The following GNAQ variants were observed in gnomAD, a reference collection of about 807,000 sequenced individuals.
The protein encoded by GNAQ is G protein subunit alpha q.
Under a neutral mutation model 43.9 loss-of-function variants are expected in GNAQ, and 8 were observed. The observed-to-expected ratio is 0.18, with a 90% confidence interval of 0.11 to 0.33. GNAQ has a LOEUF of 0.33. GNAQ is among the 10% of genes least tolerant of loss of function. The pLI is 1.00. For missense variants in GNAQ, 158 were observed against 450.8 expected, an observed-to-expected ratio of 0.35 and a Z score of 5.88; for synonymous variants, 155 against 170.7, an observed-to-expected ratio of 0.91 and a Z score of 0.71.
intron 1 of GNAQ, among the ~76,000 whole-genome samples, chr9:77,939,695 C>T (rs1829287305): frequency 6.6e-6 from 1 of 152,160 alleles, no homozygotes; most frequent in South Asian, 2.1e-4. Context: ...ATTTTGATTT[C>T]AACCTAATTT....
At chr9:77,980,822 A>C (rs561894168) in intron 1 of GNAQ, among the ~76,000 whole-genome samples, 1 of 152,380 alleles carries the variant, frequency 6.6e-6, no homozygotes, top group South Asian at 2.1e-4. Flanking sequence ...TGTAAGAATC[A>C]TGCATAGAAA....
chr9:77,782,459 C>T (rs1186270036), intron 5 of GNAQ, among the ~76,000 whole-genome samples: 1 of 152,112 alleles, frequency 6.6e-6, no homozygotes, highest in African/African-American at 2.4e-5. Context: ...TACTACACAC[C>T]TATTAGAATG....
chr9:77,830,702 G>A (rs1366232030), intron 2 of GNAQ, among the ~76,000 whole-genome samples: 2 of 152,196 alleles, frequency 1.3e-5, no homozygotes, highest in Non-Finnish European at 2.9e-5. Context: ...CAAGGCCAAA[G>A]AGCATTTCAA....
At chr9:77,849,225 G>A (rs1328412111) in intron 2 of GNAQ, among the ~76,000 whole-genome samples, 1 of 152,156 alleles carries the variant, frequency 6.6e-6, no homozygotes, top group Non-Finnish European at 1.5e-5. Context: ...AGGTTTTCCA[G>A]AAAGCAACAT....
chr9:77,868,704 AG>A (rs1324034049), intron 2 of GNAQ, among the ~76,000 whole-genome samples: 5 of 152,238 alleles, frequency 3.3e-5, no homozygotes, highest in Non-Finnish European at 7.3e-5. Flanking sequence ...CTGAGGCAGG[AG>A]GATCACTTGA....
In GNAQ at chr9:77,922,329, G is replaced by A; in HGVS notation, c.153C>T (p.Gly51=). 3.7e-6 allele frequency: 6 copies of A among 1,612,102 alleles called. No individual in the cohort carries two copies. In the South Asian group the frequency reaches 6.6e-5, roughly 18 times the overall value. ...TCATCTGCTTGATAAACGTACTCTT[G>A]CCACTCTCTCCTGTCCCTGAAAGAT... ...KLLLLGTGES[G]KSTFIKQMRI... The change falls in exon 2 of 7, where the codon GGC becomes GGT. Residue 51 remains glycine, a synonymous_variant. Transcript: ENST00000286548.
chr9:77,799,274 G>A (rs1009924648), intron 3 of GNAQ, among the ~76,000 whole-genome samples: 2 of 152,142 alleles, frequency 1.3e-5, no homozygotes, highest in Non-Finnish European at 2.9e-5. Flanking sequence ...GAAATGGAAG[G>A]GGTTAGATCT....
chr9:77,930,576 T>G (rs1280012061), intron 1 of GNAQ, among the ~76,000 whole-genome samples: 1 of 152,206 alleles, frequency 6.6e-6, no homozygotes, highest in Non-Finnish European at 1.5e-5. Flanking sequence ...AACATATATA[T>G]TTTATTCTAG....
At chr9:77,728,888 A>C (rs1387862600) in intron 5 of GNAQ, among the ~76,000 whole-genome samples, 1 of 152,228 alleles carries the variant, frequency 6.6e-6, no homozygotes, top group African/African-American at 2.4e-5. Context: ...GAGAGTAATA[A>C]TAATAAAAAT....
intron 1 of GNAQ, among the ~76,000 whole-genome samples, chr9:78,015,183 C>T (rs542211595): frequency 6.6e-6 from 1 of 152,300 alleles, no homozygotes; most frequent in East Asian, 1.9e-4. Context: ...CAAATACTTA[C>T]CACTGTGCTA....
intron 1 of GNAQ, among the ~76,000 whole-genome samples, chr9:78,009,976 T>C (rs1823754215): frequency 6.6e-6 from 1 of 152,216 alleles, no homozygotes; most frequent in Admixed American, 6.5e-5. Flanking sequence ...TAGAGAAAGT[T>C]ATTGAGTGCC....
intron 5 of GNAQ, among the ~76,000 whole-genome samples, chr9:77,733,683 G>A (rs971193009): frequency 2.6e-5 from 4 of 152,206 alleles, no homozygotes; most frequent in African/African-American, 9.6e-5. Flanking sequence ...CTTCTGAGAT[G>A]CTGGGCATGA....
intron 2 of GNAQ, among the ~76,000 whole-genome samples, chr9:77,918,401 T>C (rs1828946609): frequency 6.6e-6 from 1 of 152,190 alleles, no homozygotes. Flanking sequence ...GTCACAATAA[T>C]ATAAATCAGA....
intron 2 of GNAQ, among the ~76,000 whole-genome samples, chr9:77,881,589 G>T (rs1483998786): frequency 6.6e-6 from 1 of 152,046 alleles, no homozygotes; most frequent in Admixed American, 6.5e-5. Flanking sequence ...ATAGTATATT[G>T]CCCAGGCTGG....
At chr9:77,953,823 G>C (rs535691910) in intron 1 of GNAQ, among the ~76,000 whole-genome samples, 2 of 152,276 alleles carry the variant, frequency 1.3e-5, no homozygotes, top group South Asian at 4.1e-4. Context: ...CCAAGTAACA[G>C]TTACAAAGAA....
intron 5 of GNAQ, among the ~76,000 whole-genome samples, chr9:77,781,140 T>C (rs1025788291): frequency 1.2e-4 from 18 of 152,092 alleles, no homozygotes; most frequent in Non-Finnish European, 1.6e-4. Context: ...TTTTGTTGCC[T>C]GTGGTTTTGA....
intron 2 of GNAQ, among the ~76,000 whole-genome samples, chr9:77,841,590 G>A (rs1026970499): frequency 6.6e-6 from 1 of 152,098 alleles, no homozygotes; most frequent in African/African-American, 2.4e-5. Context: ...CCTAGAATTT[G>A]TATATCAAAT....
chr9:77,897,606 C>T (rs1293577312), intron 2 of GNAQ, among the ~76,000 whole-genome samples: 1 of 152,224 alleles, frequency 6.6e-6, no homozygotes, highest in Non-Finnish European at 1.5e-5. Context: ...GCCTCCAAAG[C>T]AGGACCTGGG....
intron 2 of GNAQ, among the ~76,000 whole-genome samples, chr9:77,916,631 T>A (rs530860713): frequency 2.0e-5 from 3 of 152,242 alleles, no homozygotes; most frequent in African/African-American, 7.2e-5. Context: ...AACCCCTCCA[T>A]GCTAGGCGAA....
Sources: allele counts gnomAD v4.1 joint callset (sites outside exome capture counted in the v4.1 genomes callset), GRCh38; gene constraint gnomAD v4.1.1; transcripts MANE v1.5; gene names NCBI Gene and HGNC (gene_info 2026-07-23, HGNC 2026-07-21).